Variants in LINGO1 observed in about 807,000 individuals in gnomAD.
LINGO1 encodes leucine rich repeat and Ig domain containing 1.
LINGO1 carries 11 observed loss-of-function variants against 37.3 expected under a neutral mutation model. The ratio of observed to expected loss-of-function variants is 0.29; its 90% CI spans 0.19 to 0.49. LINGO1 has a LOEUF of 0.49. Ranked by LOEUF, LINGO1 falls within the 20% of genes least tolerant of loss-of-function variation. The pLI is 0.99. For missense variants in LINGO1, 585 were observed against 878.2 expected, an observed-to-expected ratio of 0.67 and a Z score of 4.22; for synonymous variants, 387 against 403.0, an observed-to-expected ratio of 0.96 and a Z score of 0.48.
chr15:77,786,084 C>T (rs2076767737), intron 1 of LINGO1, among the ~76,000 whole-genome samples: 1 of 152,094 alleles, frequency 6.6e-6, no homozygotes, highest in Non-Finnish European at 1.5e-5. Context: ...GAATCACTTG[C>T]AAGAAGCAAG....
intron 3 of LINGO1, among the ~76,000 whole-genome samples, chr15:77,676,042 C>T (rs951111953): frequency 1.3e-5 from 2 of 152,232 alleles, no homozygotes; most frequent in African/African-American, 4.8e-5. Flanking sequence ...GCCTGGGCTC[C>T]GCTGTCAGAG....
chr15:77,792,379 C>G (rs1040949435), intron 2 of LINGO1, among the ~76,000 whole-genome samples: 2 of 152,244 alleles, frequency 1.3e-5, no homozygotes, highest in African/African-American at 4.8e-5. Context: ...GCCCACCCAC[C>G]CTACAGTCCT....
intron 3 of LINGO1, chr15:77,648,225 G>A (rs965503276): frequency 1.0e-5 from 3 of 297,922 alleles, no homozygotes; most frequent in African/African-American, 4.5e-5. Context: ...AAGGAGCACC[G>A]GCTGCGTTCC....
chr15:77,623,109 C>T (rs1181971664), intron 1 of LINGO1, among the ~76,000 whole-genome samples: 1 of 152,226 alleles, frequency 6.6e-6, no homozygotes, highest in Non-Finnish European at 1.5e-5. Flanking sequence ...ACAAATGCTG[C>T]GAGGGGCAGG....
intron 1 of LINGO1, among the ~76,000 whole-genome samples, chr15:77,755,747 C>G (rs542061651): frequency 2.7e-4 from 41 of 152,324 alleles, no homozygotes; most frequent in African/African-American, 9.6e-4. Flanking sequence ...CTGCAGCCAC[C>G]TCTCCAGCTC....
At chr15:77,720,277 G>A (rs895147825) in intron 2 of LINGO1, among the ~76,000 whole-genome samples, 5 of 152,304 alleles carry the variant, frequency 3.3e-5, no homozygotes, top group African/African-American at 9.6e-5. Context: ...AGGAGTAAAC[G>A]GCGTTTTTAT....
intron 1 of LINGO1, among the ~76,000 whole-genome samples, chr15:77,817,470 C>T (rs144595235): frequency 3.2e-4 from 48 of 152,270 alleles, no homozygotes; most frequent in Middle Eastern, 3.4e-3. Context: ...TGATTCGGAT[C>T]CCTGGGATGG....
At chr15:77,801,147 T>A (rs1465633969) in intron 1 of LINGO1, among the ~76,000 whole-genome samples, 1 of 152,228 alleles carries the variant, frequency 6.6e-6, no homozygotes, top group Non-Finnish European at 1.5e-5. Flanking sequence ...TACAACCTAG[T>A]AATTCCACTT....
intron 2 of LINGO1, among the ~76,000 whole-genome samples, chr15:77,725,140 G>C (rs1452985848): frequency 6.6e-6 from 1 of 152,242 alleles, no homozygotes; most frequent in African/African-American, 2.4e-5. Context: ...GTCTACACAG[G>C]CTCTGCTGAC....
intron 2 of LINGO1, among the ~76,000 whole-genome samples, chr15:77,724,222 A>C (rs2076080142): frequency 6.6e-6 from 1 of 152,146 alleles, no homozygotes; most frequent in Non-Finnish European, 1.5e-5. Context: ...CTGTGCCCAC[A>C]CATGCACACA....
intron 1 of LINGO1, among the ~76,000 whole-genome samples, chr15:77,809,903 C>G (rs1050604975): frequency 6.6e-6 from 1 of 152,172 alleles, no homozygotes; most frequent in Non-Finnish European, 1.5e-5. Context: ...AGAGAACAGA[C>G]AGGCTTGCTG....
chr15:77,790,490 C>A (rs559696865), upstream of LINGO1, among the ~76,000 whole-genome samples: 2 of 152,320 alleles, frequency 1.3e-5, no homozygotes, highest in East Asian at 3.9e-4. Context: ...GTGGCCCCAG[C>A]CAGGGCCTGA....
At chr15:77,680,698 G>T (rs1276574561) in intron 2 of LINGO1, among the ~76,000 whole-genome samples, 1 of 152,134 alleles carries the variant, frequency 6.6e-6, no homozygotes, top group Non-Finnish European at 1.5e-5. Flanking sequence ...TGACTTTAGA[G>T]CAAAGGCTGG....
At chr15:77,621,183 T>G (rs1354690378) in intron 1 of LINGO1, among the ~76,000 whole-genome samples, 1 of 151,944 alleles carries the variant, frequency 6.6e-6, no homozygotes, top group African/African-American at 2.4e-5. Flanking sequence ...GCCTCCCAGA[T>G]AGCTGCGATT....
chr15:77,650,109 A>G (rs1251486700), intron 3 of LINGO1, among the ~76,000 whole-genome samples: 2 of 152,228 alleles, frequency 1.3e-5, no homozygotes, highest in African/African-American at 2.4e-5. Flanking sequence ...GTGGTGAACA[A>G]TGTGAGATGA....
intron 1 of LINGO1, among the ~76,000 whole-genome samples, chr15:77,617,327 A>AG (rs1288576260): frequency 6.6e-6 from 1 of 152,000 alleles, no homozygotes; most frequent in African/African-American, 2.4e-5. Context: ...TAGGGTGAGT[A>AG]GGGGGGTTGG....
intron 2 of LINGO1, among the ~76,000 whole-genome samples, chr15:77,715,467 CAG>C (rs2141300623): frequency 6.6e-6 from 1 of 152,328 alleles, no homozygotes; most frequent in South Asian, 2.1e-4. Context: ...ATTTTAGGAA[CAG>C]AGTCTCCAGC....
chr15:77,629,626 T>C (rs2074194531), intron 1 of LINGO1, among the ~76,000 whole-genome samples: 1 of 152,188 alleles, frequency 6.6e-6, no homozygotes, highest in African/African-American at 2.4e-5. Flanking sequence ...TCTAGCTCTG[T>C]GCATTCATGC....
intron 2 of LINGO1, among the ~76,000 whole-genome samples, chr15:77,705,500 C>T (rs1438345213): frequency 6.6e-6 from 1 of 152,128 alleles, no homozygotes; most frequent in African/African-American, 2.4e-5. Flanking sequence ...AGGGGTTTCC[C>T]TCCTCTCAGT....
Sources: gnomAD v4.1 joint callset for allele counts (sites outside exome capture counted in the v4.1 genomes callset) on GRCh38, gnomAD v4.1.1 for gene constraint, MANE v1.5 for transcripts, NCBI Gene and HGNC (gene_info 2026-07-23, HGNC 2026-07-21) for gene names.